GPC5: variants seen among roughly 807,000 people sequenced by gnomAD.
GPC5 encodes the protein glypican 5.
Under a neutral mutation model 53.9 loss-of-function variants are expected in GPC5, and 47 were observed. The observed-to-expected ratio is 0.87, with a 90% confidence interval of 0.69 to 1.11. GPC5 has a LOEUF of 1.11. Ranked by LOEUF, GPC5 falls within the 50% of genes most tolerant of loss-of-function variation. GPC5 has a pLI of 0.00. For missense variants in GPC5, 748 were observed against 713.1 expected, an observed-to-expected ratio of 1.05 and a Z score of -0.56; for synonymous variants, 286 against 263.3, an observed-to-expected ratio of 1.09 and a Z score of -0.84.
chr13:91,821,160 A>G (rs1471401439), intron 5 of GPC5, among the ~76,000 whole-genome samples: 1 of 152,188 alleles, frequency 6.6e-6, no homozygotes, highest in Non-Finnish European at 1.5e-5. Flanking sequence ...ATGCTTCTCA[A>G]TAATATTTTA....
chr13:91,621,166 A>G (rs375165034), intron 2 of GPC5, among the ~76,000 whole-genome samples: 1 of 152,174 alleles, frequency 6.6e-6, no homozygotes, highest in South Asian at 2.1e-4. Context: ...AATGAAAACA[A>G]AAAAACATAA....
intron 7 of GPC5, among the ~76,000 whole-genome samples, chr13:92,626,521 AG>A (rs1257266272): frequency 3.3e-5 from 5 of 152,210 alleles, no homozygotes; most frequent in Admixed American, 6.5e-5. Flanking sequence ...GATTGTAAGC[AG>A]GTGCACTGGG....
chr13:92,703,051 T>G (rs1024467279), intron 7 of GPC5, among the ~76,000 whole-genome samples: 7 of 128,324 alleles, frequency 5.5e-5, no homozygotes, highest in Non-Finnish European at 8.0e-5. Flanking sequence ...GGCATATATA[T>G]ATATTTATTT....
Position 92,579,254 on chromosome 13 carries a change from CCTCCCTCCCTCCCTCCCTCCCTCT to C in GPC5, c.1562-287024_1562-287001del. Reference sequence around the variant, plus strand: ...CACATTTATGCTCTCTCCCTCCCTCCCTCCCTCCCTCCCTCCCTCCCTCTCTCTCTCTCTCTCTCTCTCTCTCCC... The same window carrying C: ...CACATTTATGCTCTCTCCCTCCCTCCCTCTCTCTCTCTCTCTCTCTCTCCC... On this transcript the variant is annotated intron_variant, in intron 7 of 7. Coordinates refer to ENST00000377067, the MANE Select transcript of GPC5 (RefSeq NM_004466.6). Among the ~76,000 whole-genome samples the C allele has an allele frequency of 7.5e-5, 2 of 26,840 alleles. 1 individual carries two copies. 17.6% of individuals were successfully genotyped at this position (26,840 alleles called of 152,430 possible).
intron 5 of GPC5, among the ~76,000 whole-genome samples, chr13:91,860,243 C>T (rs1182241515): frequency 2.0e-5 from 3 of 152,128 alleles, no homozygotes; most frequent in Non-Finnish European, 4.4e-5. Flanking sequence ...TTCCCAGCCT[C>T]TAGCATCCTC....
intron 6 of GPC5, among the ~76,000 whole-genome samples, chr13:91,967,188 A>G (rs963719277): frequency 6.6e-6 from 1 of 152,114 alleles, no homozygotes; most frequent in Non-Finnish European, 1.5e-5. Context: ...CCCTTTATAA[A>G]ACCATCAGAT....
chr13:91,971,334 G>T (rs1251905621), intron 6 of GPC5, among the ~76,000 whole-genome samples: 1 of 151,052 alleles, frequency 6.6e-6, no homozygotes, highest in Admixed American at 6.6e-5. Context: ...ATTTTTTATT[G>T]CATCTATTTG....
intron 5 of GPC5, among the ~76,000 whole-genome samples, chr13:91,836,605 T>A (rs1359982329): frequency 6.6e-6 from 1 of 152,062 alleles, no homozygotes. Flanking sequence ...ATAATATAAA[T>A]GTGAATTCAA....
intron 7 of GPC5, among the ~76,000 whole-genome samples, chr13:92,395,907 GTTT>G (rs71123404): frequency 7.7e-6 from 1 of 130,662 alleles, no homozygotes; most frequent in African/African-American, 2.8e-5. Context: ...GTTTGTTTCT[GTTT>G]TTTTTTTTTT....
At chr13:92,701,023 T>A (rs542579181) in intron 7 of GPC5, among the ~76,000 whole-genome samples, 1 of 152,202 alleles carries the variant, frequency 6.6e-6, no homozygotes, top group African/African-American at 2.4e-5. Flanking sequence ...TCTTTGCTGT[T>A]TCCCCCAAGA....
intron 7 of GPC5, among the ~76,000 whole-genome samples, chr13:92,502,834 C>G (rs1880239833): frequency 6.6e-6 from 1 of 151,932 alleles, no homozygotes; most frequent in South Asian, 2.1e-4. Flanking sequence ...GCTGTGACAT[C>G]AATCAATCAA....
intron 7 of GPC5, among the ~76,000 whole-genome samples, chr13:92,266,903 T>TA (rs1566510768): frequency 1.3e-5 from 2 of 151,688 alleles, no homozygotes; most frequent in Admixed American, 6.6e-5. Flanking sequence ...TTTTGTTAAA[T>TA]AAAAAACTTA....
At chr13:92,347,903 TA>T (rs2043436301) in intron 7 of GPC5, among the ~76,000 whole-genome samples, 1 of 12,022 alleles carries the variant, frequency 8.3e-5, no homozygotes, top group Admixed American at 1.4e-3. Context: ...ATATATATAA[TA>T]TATATATAAT....
intron 2 of GPC5, among the ~76,000 whole-genome samples, chr13:91,680,635 T>G (rs2035486099): frequency 6.6e-6 from 1 of 152,180 alleles, no homozygotes; most frequent in Admixed American, 6.5e-5. Context: ...GAAGAAACAA[T>G]CCATCGTCAT....
chr13:91,953,066 C>T (rs935593281), intron 6 of GPC5, among the ~76,000 whole-genome samples: 6 of 152,066 alleles, frequency 3.9e-5, no homozygotes, highest in Non-Finnish European at 5.9e-5. Flanking sequence ...GTAATATAAT[C>T]TTAAAACTTT....
At chr13:91,478,795 T>TTATATATATA (rs757436599) in intron 2 of GPC5, among the ~76,000 whole-genome samples, 5,574 of 54,620 alleles carry the variant, frequency 0.1, 330 homozygotes, top group East Asian at 0.16. Context: ...CCATTTGAGT[T>TTATATATATA]TATATATATA....
At position 92,199,060 on chromosome 13, in the gene GPC5, T is replaced by C. The variant is rs115194417; in HGVS notation, c.1561+54071T>C. On this transcript the variant is annotated intron_variant, in intron 7 of 7. Coordinates refer to ENST00000377067, the MANE Select transcript of GPC5 (RefSeq NM_004466.6). Reference sequence around the variant, plus strand: ...TATGGAAAAATAATTTGCCACTAACTGACACATCAATGCTACATCAAAGGA... The same window carrying C: ...TATGGAAAAATAATTTGCCACTAACCGACACATCAATGCTACATCAAAGGA... Among the ~76,000 whole-genome samples the C allele has an allele frequency of 7.9e-3, 1,208 of 152,308 alleles. 23 individuals are homozygous for C. The highest frequency in any genetic ancestry group is 0.027 in the African/African-American group (1,131 of 41,564).
intron 7 of GPC5, among the ~76,000 whole-genome samples, chr13:92,390,584 C>A (rs2296844): frequency 0.49 from 74,674 of 151,852 alleles, 18,692 homozygotes; most frequent in East Asian, 0.54. Context: ...GCACTGGGCT[C>A]CTACAGACAT....
chr13:91,664,648 T>G (rs537234902), intron 2 of GPC5, among the ~76,000 whole-genome samples: 3 of 152,288 alleles, frequency 2.0e-5, no homozygotes, highest in African/African-American at 7.2e-5. Context: ...TTATATACAT[T>G]TTTTTTGAAA....
Sources: allele counts gnomAD v4.1 joint callset (sites outside exome capture counted in the v4.1 genomes callset), GRCh38; gene constraint gnomAD v4.1.1; transcripts MANE v1.5; gene names NCBI Gene and HGNC (gene_info 2026-07-23, HGNC 2026-07-21).